The following TMEM182 variants were observed in gnomAD, a reference collection of about 807,000 sequenced individuals.
TMEM182 encodes transmembrane protein 182.
In TMEM182, 20 loss-of-function variants were observed where a neutral mutation model predicts 26.8. That is an observed-to-expected ratio of 0.75 (90% CI 0.53 to 1.09). The LOEUF (loss-of-function observed/expected upper bound fraction) is 1.09. Ranked by LOEUF, TMEM182 falls within the 50% of genes least tolerant of loss-of-function variation. The probability of loss-of-function intolerance (pLI) is 0.00; values close to 1 mark genes in which losing one functional copy is unlikely to be tolerated. For synonymous variants in TMEM182, 109 were observed against 102.2 expected (o/e 1.07, Z -0.40); for missense variants, 277 against 275.5 (o/e 1.01, Z -0.04).
rs778788473 is a variant in TMEM182 at position 102,814,977 on chromosome 2, T to C, written c.*9T>C. The stretch of plus-strand genomic sequence containing the variant: ...TTCAGATACATCACTAAATCAACTG[T>C]TGCCACAAGTATTTTCTTGAGAGAT... On this transcript the variant is annotated 3_prime_UTR_variant, in exon 5 of 5. Transcript: ENST00000412401. 1 of 1,612,802 alleles carries C rather than the reference T, an allele frequency of 6.2e-7. No individual in the cohort carries two copies. The highest frequency in any genetic ancestry group is 8.5e-7 in the Non-Finnish European group (1 of 1,179,510).
chr2:102,798,129 T>C (rs1230273324), intron 4 of TMEM182, 129 bp downstream of exon 4: 5 of 1,194,828 alleles, frequency 4.2e-6, no homozygotes, highest in African/African-American at 3.1e-5. Flanking sequence ...ACAATACTTC[T>C]TGAACACTAA....
At chr2:102,748,023 C>G (rs1265729644) in intron 1 of TMEM182, among the ~76,000 whole-genome samples, 3 of 152,072 alleles carry the variant, frequency 2.0e-5, no homozygotes, top group Non-Finnish European at 4.4e-5. Context: ...TAGCTTTTTT[C>G]CCTATGGTGA....
chr2:102,751,814 A>C (rs374386650), intron 1 of TMEM182, among the ~76,000 whole-genome samples: 8 of 152,144 alleles, frequency 5.3e-5, no homozygotes, highest in African/African-American at 1.9e-4. Context: ...CTAGAGGTGC[A>C]TGCCACCATG....
intron 1 of TMEM182, among the ~76,000 whole-genome samples, chr2:102,742,883 A>G (rs1679583313): frequency 6.6e-6 from 1 of 152,198 alleles, no homozygotes; most frequent in African/African-American, 2.4e-5. Context: ...AAAGCTGATG[A>G]AATTCATTTC....
chr2:102,832,329 T>A (rs555977941), intron 3 of TMEM182, among the ~76,000 whole-genome samples: 1 of 152,366 alleles, frequency 6.6e-6, no homozygotes, highest in East Asian at 1.9e-4. Context: ...ACTGGGATTG[T>A]AAATCAACAC....
chr2:102,755,028 G>A (rs191900481), intron 1 of TMEM182, among the ~76,000 whole-genome samples: 116 of 152,230 alleles, frequency 7.6e-4, no homozygotes, highest in Admixed American at 1.9e-3. Context: ...TTAACAGATT[G>A]CTTTTTAATT....
chr2:102,827,013 C>G (rs932558013), intron 3 of TMEM182, among the ~76,000 whole-genome samples: 6 of 152,180 alleles, frequency 3.9e-5, no homozygotes, highest in Admixed American at 3.9e-4. Flanking sequence ...TCCCCTGCAC[C>G]TCAGCTTTAC....
upstream of TMEM182, among the ~76,000 whole-genome samples, chr2:102,761,707 A>T (rs1680219475): frequency 6.6e-6 from 1 of 152,232 alleles, no homozygotes; most frequent in Non-Finnish European, 1.5e-5. Flanking sequence ...TCTGTGATTT[A>T]TATATCTTCA....
intron 3 of TMEM182, among the ~76,000 whole-genome samples, chr2:102,779,456 G>A (rs567539093): frequency 4.6e-5 from 7 of 152,154 alleles, no homozygotes; most frequent in Non-Finnish European, 8.8e-5. Context: ...TTTAGGAGAC[G>A]TGAATGTTAG....
At chr2:102,783,311 A>T (rs778475429) in intron 3 of TMEM182, among the ~76,000 whole-genome samples, 1 of 152,228 alleles carries the variant, frequency 6.6e-6, no homozygotes, top group Non-Finnish European at 1.5e-5. Context: ...GAAACTGGAA[A>T]GTTCAATGTA....
intron 4 of TMEM182, among the ~76,000 whole-genome samples, 176 bp downstream of exon 4, chr2:102,798,176 A>T (rs796311859): frequency 2.6e-5 from 4 of 151,744 alleles, no homozygotes; most frequent in African/African-American, 9.6e-5. Context: ...TTGAACACTA[A>T]CTGTGTGTCG....
intron 3 of TMEM182, among the ~76,000 whole-genome samples, chr2:102,782,181 A>G (rs1681198580): frequency 6.6e-6 from 1 of 151,934 alleles, no homozygotes; most frequent in African/African-American, 2.4e-5. Context: ...TGGCCGGTGC[A>G]TGTAATCCCA....
chr2:102,821,663 C>T (rs1682918402), downstream of TMEM182, among the ~76,000 whole-genome samples: 1 of 152,042 alleles, frequency 6.6e-6, no homozygotes. Flanking sequence ...TACAGTGGTC[C>T]CCACTCAGTC....
chr2:102,790,802 C>G lies in TMEM182; in HGVS notation c.332-7061C>G, dbSNP rs371305510. On this transcript the variant is annotated intron_variant, in intron 3 of 4. Transcript: ENST00000412401. ...ATTTGAATTTGTGATATAGTTAATA[C>G]TCTTTCTATTATATATTTTTATGGA... 2.2e-4 allele frequency among the ~76,000 whole-genome samples: 33 copies of G among 151,372 alleles called. No homozygotes were observed. In the South Asian group the frequency reaches 4.4e-3, roughly 20 times the overall value.
intron 1 of TMEM182, among the ~76,000 whole-genome samples, chr2:102,749,035 G>A (rs1484107253): frequency 6.6e-6 from 1 of 152,040 alleles, no homozygotes; most frequent in Non-Finnish European, 1.5e-5. Context: ...CATTTTAAAT[G>A]CATTTTAAAG....
chr2:102,738,219 C>T (rs916278629), intron 1 of TMEM182, among the ~76,000 whole-genome samples: 12 of 152,276 alleles, frequency 7.9e-5, no homozygotes, highest in African/African-American at 2.6e-4. Flanking sequence ...CTACTAAATA[C>T]ATAGCTAGGG....
Position 102,834,423 on chromosome 2 carries a change from G to T in TMEM182, c.326-8989G>T, listed in dbSNP as rs564774293. The T allele has an allele frequency of 2.0e-6, 2 of 985,318 alleles. 1 individual carries two copies. Among genetic ancestry groups the T allele is most frequent in the African/African-American group, 3.5e-5 (2 of 57,312 alleles). 61.0% of individuals were successfully genotyped at this position (985,318 alleles called of 1,614,324 possible). A position where few individuals can be genotyped will look rare whatever the true frequency, so the allele number is the denominator to read the frequency against. On this transcript the variant is annotated intron_variant, in intron 3 of 3. Transcript: ENST00000486293. ...GCTGTAAACAGAAATCTAGAAGATG[G>T]GGGGATGGAAGTGAAGTGGAATGTA...
At chr2:102,828,773 G>T (rs1172266701) in intron 3 of TMEM182, among the ~76,000 whole-genome samples, 1 of 152,178 alleles carries the variant, frequency 6.6e-6, no homozygotes, top group Admixed American at 6.5e-5. Context: ...GAGTGAGTGG[G>T]TCATGCTGCT....
upstream of TMEM182, among the ~76,000 whole-genome samples, chr2:102,760,163 A>C (rs116082861): frequency 2.0e-3 from 302 of 152,312 alleles, 1 homozygote; most frequent in African/African-American, 6.9e-3. Context: ...GGAGAGGAGG[A>C]GGTCTGGAGT....
Sources: allele counts gnomAD v4.1 joint callset (sites outside exome capture counted in the v4.1 genomes callset), GRCh38; gene constraint gnomAD v4.1.1; transcripts MANE v1.5; gene names NCBI Gene and HGNC (gene_info 2026-07-23, HGNC 2026-07-21).